The following STX18 variants were observed in gnomAD, a reference collection of about 807,000 sequenced individuals.
The protein encoded by STX18 is syntaxin 18.
Under a neutral mutation model 50.1 loss-of-function variants are expected in STX18, and 40 were observed. The ratio of observed to expected loss-of-function variants is 0.80; its 90% CI spans 0.62 to 1.04. The LOEUF (loss-of-function observed/expected upper bound fraction) is 1.04, where lower values mean the gene tolerates loss of function less well. STX18 is among the 50% of genes least tolerant of loss of function. STX18 has a pLI of 0.00. For synonymous variants in STX18, 158 were observed against 151.8 expected (o/e 1.04, Z -0.30); for missense variants, 410 against 415.8 (o/e 0.99, Z 0.12).
At chr4:4,427,292 C>A (rs566123804) in intron 7 of STX18, among the ~76,000 whole-genome samples, 1 of 152,220 alleles carries the variant, frequency 6.6e-6, no homozygotes. Context: ...CCTGCAGGAC[C>A]AACTCATCCA....
At chr4:4,524,156 G>C (rs1285129241) in intron 1 of STX18, among the ~76,000 whole-genome samples, 1 of 152,198 alleles carries the variant, frequency 6.6e-6, no homozygotes, top group Non-Finnish European at 1.5e-5. Flanking sequence ...AACAGTAAGT[G>C]ACTATGAGTA....
At chr4:4,470,404 G>T (rs1727852685) in intron 2 of STX18, among the ~76,000 whole-genome samples, 1 of 152,184 alleles carries the variant, frequency 6.6e-6, no homozygotes, top group African/African-American at 2.4e-5. Context: ...GCTAGTCATG[G>T]ACTTTAGGAC....
chr4:4,449,252 G>A (rs1350556224), intron 5 of STX18, among the ~76,000 whole-genome samples: 1 of 147,382 alleles, frequency 6.8e-6, no homozygotes, highest in African/African-American at 2.7e-5. Flanking sequence ...TCACTATATT[G>A]CCCGGGTTGG....
chr4:4,502,688 C>T (rs142525044), intron 1 of STX18, among the ~76,000 whole-genome samples: 52 of 152,248 alleles, frequency 3.4e-4, no homozygotes, highest in African/African-American at 6.0e-4. Flanking sequence ...GTCCACACAA[C>T]GGAGGGATGG....
chr4:4,527,730 C>T (rs1330069343), intron 1 of STX18, among the ~76,000 whole-genome samples: 4 of 137,646 alleles, frequency 2.9e-5, no homozygotes, highest in African/African-American at 7.8e-5. Flanking sequence ...CTTGACTTTT[C>T]CCACTGTAAT....
intron 1 of STX18, 31 bp from the exon 2 acceptor site, chr4:4,471,737 TATAG>T: frequency 6.9e-7 from 1 of 1,445,344 alleles, no homozygotes; most frequent in Non-Finnish European, 9.4e-7. Context: ...CAACAGTTTA[TATAG>T]ATATGTTACA....
chr4:4,421,331 T>C (rs1394563746), intron 9 of STX18, among the ~76,000 whole-genome samples: 2 of 152,160 alleles, frequency 1.3e-5, no homozygotes, highest in African/African-American at 2.4e-5. Context: ...AGACTTTTTT[T>C]TTTTTTGAGA....
chr4:4,531,991 A>C (rs1320044669), intron 1 of STX18, among the ~76,000 whole-genome samples: 1 of 152,232 alleles, frequency 6.6e-6, no homozygotes, highest in Non-Finnish European at 1.5e-5. Flanking sequence ...AGGGGTTCAG[A>C]TAAATCAATT....
At chr4:4,478,635 GC>G in intron 1 of STX18, 1 of 152,424 alleles carries the variant, frequency 6.6e-6, no homozygotes, top group East Asian at 1.9e-4. Flanking sequence ...TGGCCAAGGT[GC>G]CTGGGTTCTA....
chr4:4,457,251 C>CT lies in STX18; in HGVS notation c.436_437insA (p.Cys146Ter). ...GGCTCTCTGTTCTGAGTAAAGTTTA[C>CT]ATACTCCTGTTGCAGAAGAAAATAC... ...DFIEDYLKRV[C>*]KLYSEQRAIR... The change falls in exon 5 of 11, where the codon TGT (cysteine) becomes TAGT (stop). Residue 146 changes from cysteine (C) to a stop codon, truncating the protein, a stop_gained and frameshift_variant. Coordinates refer to ENST00000306200, the MANE Select transcript of STX18 (RefSeq NM_016930.4). LOFTEE classifies it high-confidence loss of function. The CT allele has an allele frequency of 6.2e-7, 1 of 1,614,046 alleles. No homozygotes were observed. The highest frequency in any genetic ancestry group is 1.1e-5 in the South Asian group (1 of 91,080).
At chr4:4,460,726 T>C (rs965823467) in intron 2 of STX18, among the ~76,000 whole-genome samples, 1 of 152,222 alleles carries the variant, frequency 6.6e-6, no homozygotes, top group South Asian at 2.1e-4. Context: ...CTTATTCCAA[T>C]GCTCCTTAGG....
At chr4:4,431,044 A>G (rs1725492089) in intron 7 of STX18, among the ~76,000 whole-genome samples, 1 of 152,178 alleles carries the variant, frequency 6.6e-6, no homozygotes, top group Non-Finnish European at 1.5e-5. Flanking sequence ...ACAGGCTGCT[A>G]AGTCACGCAG....
chr4:4,535,093 G>A (rs781014346), intron 1 of STX18, among the ~76,000 whole-genome samples: 2 of 152,134 alleles, frequency 1.3e-5, no homozygotes, highest in Non-Finnish European at 2.9e-5. Context: ...TTCTACCTAC[G>A]TCTGGTGGAA....
intron 5 of STX18, among the ~76,000 whole-genome samples, chr4:4,456,213 G>A (rs528878236): frequency 6.6e-6 from 1 of 151,924 alleles, no homozygotes; most frequent in African/African-American, 2.4e-5. Context: ...CCAGGAGGTC[G>A]TGCCACTGCA....
At chr4:4,494,907 G>C (rs1436072309) in intron 1 of STX18, among the ~76,000 whole-genome samples, 1 of 152,170 alleles carries the variant, frequency 6.6e-6, no homozygotes, top group Non-Finnish European at 1.5e-5. Flanking sequence ...CTGAAAGCAG[G>C]AGAAGAGGGA....
At position 4,420,705 on chromosome 4, in the gene STX18, T is replaced by G. The variant is rs932379215; in HGVS notation, c.912+159A>C. 1.5e-6 allele frequency: 1 copy of G among 659,706 alleles called. No individual in the cohort carries two copies. 40.9% of individuals were successfully genotyped at this position (659,706 alleles called of 1,614,324 possible). On this transcript the variant is annotated intron_variant, in intron 10 of 10. Coordinates refer to ENST00000306200, the MANE Select transcript of STX18 (RefSeq NM_016930.4). The surrounding 1 kb of genome is among the most constrained non-coding windows in gnomAD (Gnocchi z 4.3). Reference sequence around the variant, plus strand: ...GGAGGTGGGCGACAGGTGGTGGGTCTCATGAACACACGCAGCTCCGCGGTC... The same window carrying G: ...GGAGGTGGGCGACAGGTGGTGGGTCGCATGAACACACGCAGCTCCGCGGTC...
At chr4:4,442,971 C>T (rs1726202654) in intron 5 of STX18, among the ~76,000 whole-genome samples, 1 of 152,170 alleles carries the variant, frequency 6.6e-6, no homozygotes, top group Admixed American at 6.5e-5. Flanking sequence ...AACAACTACA[C>T]TGCGTCATTA....
intron 2 of STX18, among the ~76,000 whole-genome samples, chr4:4,469,048 A>T (rs1727774062): frequency 6.6e-6 from 1 of 152,208 alleles, no homozygotes; most frequent in South Asian, 2.1e-4. Context: ...GTACCATACA[A>T]GTCTATTTAT....
intron 1 of STX18, 74 bp downstream of exon 1, chr4:4,541,723 T>A: frequency 6.6e-7 from 1 of 1,520,552 alleles, no homozygotes; most frequent in Non-Finnish European, 8.9e-7. Flanking sequence ...GGACGGGGTC[T>A]GGTTTGGGGC....
Sources: allele counts gnomAD v4.1 joint callset (sites outside exome capture counted in the v4.1 genomes callset), GRCh38; gene constraint gnomAD v4.1.1; non-coding constraint Gnocchi (gnomAD v3.1); transcripts MANE v1.5; gene names NCBI Gene and HGNC (gene_info 2026-07-23, HGNC 2026-07-21).